The following METTL8 variants were observed in gnomAD, a reference collection of about 807,000 sequenced individuals.
The protein encoded by METTL8 is methyltransferase 8, tRNA N3-cytidine.
METTL8 carries 32 observed loss-of-function variants against 48.7 expected under a neutral mutation model. That is an observed-to-expected ratio of 0.66 (90% confidence interval 0.50 to 0.88). The LOEUF is 0.88. Among genes scored for constraint, METTL8 ranks in the 40% least tolerant of loss-of-function variants. The pLI is 0.00. For missense variants in METTL8, 464 were observed against 474.4 expected, an observed-to-expected ratio of 0.98 and a Z score of 0.20; for synonymous variants, 136 against 157.1, an observed-to-expected ratio of 0.87 and a Z score of 1.01.
intron 2 of METTL8, among the ~76,000 whole-genome samples, chr2:171,378,467 A>G (rs889921075): frequency 2.6e-5 from 4 of 152,066 alleles, no homozygotes; most frequent in African/African-American, 9.7e-5. Context: ...CCCCATCTCT[A>G]CTAAAAATAC....
chr2:171,328,756 C>A (rs1170324098), intron 7 of METTL8, among the ~76,000 whole-genome samples: 1 of 152,118 alleles, frequency 6.6e-6, no homozygotes, highest in Admixed American at 6.5e-5. Context: ...GTGGCATGAT[C>A]TCCACACACT....
At chr2:171,342,549 A>G (rs1177773927) in intron 3 of METTL8, among the ~76,000 whole-genome samples, 1 of 152,190 alleles carries the variant, frequency 6.6e-6, no homozygotes, top group East Asian at 1.9e-4. Context: ...AATCAGACTC[A>G]GGAGAAATTA....
intron 9 of METTL8, among the ~76,000 whole-genome samples, chr2:171,325,309 C>T (rs113358491): frequency 2.0e-5 from 3 of 152,016 alleles, no homozygotes; most frequent in African/African-American, 7.2e-5. Flanking sequence ...CCTTAGCCTC[C>T]CAAGTAGCTA....
intron 2 of METTL8, among the ~76,000 whole-genome samples, chr2:171,381,780 CTTTT>C (rs35185395): frequency 6.4e-5 from 8 of 125,648 alleles, no homozygotes; most frequent in South Asian, 2.5e-4. Flanking sequence ...ATTAGGAACA[CTTTT>C]TTTTTTTTTT....
At position 171,322,226 on chromosome 2, in the gene METTL8, G is replaced by A. The variant is rs1684557955; in HGVS notation, c.*1946C>T. 6.6e-6 allele frequency: 1 copy of A among 151,926 alleles called. No individual in the cohort carries two copies. Among genetic ancestry groups the A allele is most frequent in the South Asian group, 2.1e-4 (1 of 4,804 alleles). The allele number at this position is 151,926 out of a possible 1,614,324, so 9.4% of individuals were successfully genotyped here. On this transcript the variant is annotated 3_prime_UTR_variant, in exon 10 of 10. Transcript: ENST00000375258. Reference sequence around the variant, plus strand: ...TGATCCGCCTCCTCGGCCTCCCAAAGTGCTGGGATTACGGGCTTGAGCGAC... The same window carrying A: ...TGATCCGCCTCCTCGGCCTCCCAAAATGCTGGGATTACGGGCTTGAGCGAC...
rs552160494 is a variant in METTL8 at position 171,319,273 on chromosome 2, A to G, written c.*4899T>C. Reference sequence around the variant, plus strand: ...ACAAGCGGGGAAAATACCCACGCCAACACTAAGTCTCCTGATGACTAACAG... The same window carrying G: ...ACAAGCGGGGAAAATACCCACGCCAGCACTAAGTCTCCTGATGACTAACAG... On this transcript the variant is annotated 3_prime_UTR_variant, in exon 10 of 10. Coordinates refer to ENST00000375258, the MANE Select transcript of METTL8 (RefSeq NM_001321154.2). 1.3e-5 allele frequency: 2 copies of G among 152,360 alleles called. No homozygotes were observed. Among genetic ancestry groups the G allele is most frequent in the South Asian group, 4.1e-4 (2 of 4,830 alleles). The allele number at this position is 152,360 out of a possible 1,614,324, so 9.4% of individuals were successfully genotyped here. A position where few individuals can be genotyped will look rare whatever the true frequency, so the allele number is the denominator to read the frequency against.
upstream of METTL8, chr2:171,434,151 C>G (rs556306122): frequency 1.7e-4 from 60 of 349,458 alleles, no homozygotes; most frequent in East Asian, 2.9e-3. Context: ...CCGGAGGAGG[C>G]GGGGCCGCGG....
intron 2 of METTL8, 102 bp downstream of exon 2, chr2:171,391,941 G>A (rs1164242955): frequency 8.5e-7 from 1 of 1,181,830 alleles, no homozygotes; most frequent in East Asian, 2.6e-5. Context: ...ACATGAGTTA[G>A]GTCATCAGCT....
At chr2:171,393,039 G>A (rs1010269385) in intron 1 of METTL8, among the ~76,000 whole-genome samples, 1 of 152,054 alleles carries the variant, frequency 6.6e-6, no homozygotes, top group Non-Finnish European at 1.5e-5. Context: ...AGGAGGCGGA[G>A]ATTGCAGTGA....
In METTL8 at chr2:171,320,027, T is replaced by C. The variant is rs949590324; in HGVS notation, c.*4145A>G. 1 of 152,164 alleles carries C rather than the reference T, an allele frequency of 6.6e-6. No individual in the cohort carries two copies. The highest frequency in any genetic ancestry group is 2.4e-5 in the African/African-American group (1 of 41,444). 9.4% of individuals were successfully genotyped at this position (152,164 alleles called of 1,614,324 possible). On this transcript the variant is annotated 3_prime_UTR_variant, in exon 10 of 10. Transcript: ENST00000375258. ...TATGGATGTGAGGGGTAAATTAGAA[T>C]TTCATGCAGTTATCAAATATTTTAA...
At chr2:171,429,215 G>A (rs917408976) in intron 1 of METTL8, among the ~76,000 whole-genome samples, 2 of 152,134 alleles carry the variant, frequency 1.3e-5, no homozygotes, top group African/African-American at 4.8e-5. Context: ...GAATTCACAC[G>A]TGTGTTTAGG....
At chr2:171,374,069 G>A (rs1253536604) in intron 2 of METTL8, among the ~76,000 whole-genome samples, 1 of 152,196 alleles carries the variant, frequency 6.6e-6, no homozygotes, top group East Asian at 1.9e-4. Context: ...ATTACCTTGA[G>A]CAGTATGGCC....
At chr2:171,359,173 CA>C (rs57742852) in intron 3 of METTL8, among the ~76,000 whole-genome samples, 2,147 of 109,490 alleles carry the variant, frequency 0.02, 24 homozygotes, top group African/African-American at 0.056. Context: ...GACCCTGTCT[CA>C]AAAAAAAAAA....
chr2:171,372,233 G>T (rs11694321), intron 2 of METTL8, among the ~76,000 whole-genome samples: 31,787 of 151,922 alleles, frequency 0.21, 3,550 homozygotes, highest in Non-Finnish European at 0.25. Flanking sequence ...AAAGAATACA[G>T]AATTTGCCAT....
intron 2 of METTL8, among the ~76,000 whole-genome samples, chr2:171,369,429 ATAAAGAGACTTGCAAACATT>A (rs1461377612): frequency 6.6e-6 from 1 of 152,272 alleles, no homozygotes; most frequent in Admixed American, 6.5e-5. Context: ...GGCAGACATT[ATAAAGAGACTTGCAAACATT>A]TAGAGCAATG....
intron 1 of METTL8, among the ~76,000 whole-genome samples, chr2:171,395,246 C>G (rs1480252671): frequency 6.6e-6 from 1 of 152,024 alleles, no homozygotes; most frequent in Non-Finnish European, 1.5e-5. Context: ...CAAAGAGGTA[C>G]AGTTTAAAAT....
chr2:171,405,093 T>C (rs1690042574), intron 1 of METTL8, among the ~76,000 whole-genome samples: 1 of 152,056 alleles, frequency 6.6e-6, no homozygotes. Flanking sequence ...AAAGGCTAGA[T>C]AATGGTGGGA....
chr2:171,360,362 G>A (rs757986717), intron 3 of METTL8, 60 bp downstream of exon 3: 158 of 1,402,724 alleles, frequency 1.1e-4, no homozygotes, highest in Non-Finnish European at 1.4e-4. Context: ...GCAATGACAC[G>A]AGGAGGAGGA....
intron 4 of METTL8, among the ~76,000 whole-genome samples, chr2:171,338,482 AC>A (rs1348767656): frequency 6.6e-6 from 1 of 151,932 alleles, no homozygotes; most frequent in African/African-American, 2.4e-5. Flanking sequence ...TACTAAAAAT[AC>A]AAAAAAATTA....
Sources: gnomAD v4.1 joint callset for allele counts (sites outside exome capture counted in the v4.1 genomes callset) on GRCh38, gnomAD v4.1.1 for gene constraint, MANE v1.5 for transcripts, NCBI Gene and HGNC (gene_info 2026-07-23, HGNC 2026-07-21) for gene names.